APBA2: variants seen among roughly 807,000 people sequenced by gnomAD.
APBA2 encodes the protein amyloid-beta A4 precursor protein-binding family A member 2.
In APBA2, 30 loss-of-function variants were observed where a neutral mutation model predicts 75.0. The observed-to-expected ratio is 0.40, with a 90% CI of 0.30 to 0.54. The LOEUF (loss-of-function observed/expected upper bound fraction) is 0.54, where lower values mean the gene tolerates loss of function less well. Ranked by LOEUF, APBA2 falls within the 20% of genes least tolerant of loss-of-function variation. APBA2 has a pLI of 0.49. For synonymous variants in APBA2, 444 were observed against 409.6 expected (o/e 1.08, Z -1.01); for missense variants, 801 against 1,016.1 (o/e 0.79, Z 2.88).
At chr15:29,017,069 C>T (rs2039699167) in intron 3 of APBA2, among the ~76,000 whole-genome samples, 1 of 151,954 alleles carries the variant, frequency 6.6e-6, no homozygotes, top group Admixed American at 6.6e-5. Context: ...TCCCGGGTAC[C>T]CCTGATTCGG....
At chr15:28,960,640 G>C (rs2036418459) in intron 2 of APBA2, among the ~76,000 whole-genome samples, 2 of 152,058 alleles carry the variant, frequency 1.3e-5, no homozygotes, top group Non-Finnish European at 2.9e-5. Flanking sequence ...GTATGGGAAG[G>C]GTTTGTGGAA....
chr15:29,093,053 C>A (rs911560580), intron 6 of APBA2, 22 bp from the exon 7 acceptor site: 2 of 1,614,124 alleles, frequency 1.2e-6, no homozygotes, highest in Non-Finnish European at 1.7e-6. Flanking sequence ...TAGGAAGACT[C>A]TGACTCTGTG....
intron 6 of APBA2, among the ~76,000 whole-genome samples, chr15:29,090,729 G>T (rs2043520426): frequency 6.6e-6 from 1 of 152,206 alleles, no homozygotes. Flanking sequence ...GAGAGCCACT[G>T]CATTGGGCCC....
intron 3 of APBA2, among the ~76,000 whole-genome samples, chr15:29,020,218 T>C (rs7172998): frequency 0.36 from 55,053 of 151,826 alleles, 16,268 homozygotes; most frequent in African/African-American, 0.79. Context: ...ACATCCTGGA[T>C]GCTCATTCTT....
chr15:28,910,288 G>A (rs2033368707), intron 1 of APBA2, among the ~76,000 whole-genome samples: 1 of 152,168 alleles, frequency 6.6e-6, no homozygotes, highest in African/African-American at 2.4e-5. Context: ...GCAAAGCAGG[G>A]TTGGAGGTTT....
intron 2 of APBA2, among the ~76,000 whole-genome samples, chr15:28,989,698 G>C (rs2038117666): frequency 6.6e-6 from 1 of 152,196 alleles, no homozygotes; most frequent in Non-Finnish European, 1.5e-5. Context: ...ATTTGCTTAG[G>C]AGAGAACAAT....
rs146194343 is a variant in APBA2 at position 29,056,011 on chromosome 15, G to A, written c.951+1176G>A. 4.5e-4 allele frequency among the ~76,000 whole-genome samples: 68 copies of A among 152,256 alleles called. No individual in the cohort carries two copies. In the East Asian group the frequency reaches 6.6e-3, roughly 15 times the overall value. On this transcript the variant is annotated intron_variant, in intron 4 of 14. Coordinates refer to ENST00000683413, the MANE Select transcript of APBA2 (RefSeq NM_001353788.2). ...TTAGGCCAAAGCAAAGTGTTTCTTT[G>A]GTCTTTAGCAGGGCCTGGGCTTGTC...
At chr15:28,891,797 A>G (rs1393801705) in intron 1 of APBA2, among the ~76,000 whole-genome samples, 1 of 152,186 alleles carries the variant, frequency 6.6e-6, no homozygotes, top group Non-Finnish European at 1.5e-5. Flanking sequence ...ATATGTGTAC[A>G]GTCATGCGTC....
chr15:29,023,687 C>A (rs917820917), intron 3 of APBA2, among the ~76,000 whole-genome samples: 1 of 149,484 alleles, frequency 6.7e-6, no homozygotes, highest in Admixed American at 6.6e-5. Flanking sequence ...AACTCCTGAC[C>A]TCAAGTGATC....
At chr15:28,986,037 C>T (rs1053156626) in intron 2 of APBA2, among the ~76,000 whole-genome samples, 1 of 152,130 alleles carries the variant, frequency 6.6e-6, no homozygotes, top group Non-Finnish European at 1.5e-5. Flanking sequence ...CTTGTTTGGC[C>T]TAAAAAAGTC....
chr15:29,082,108 C>T (rs1247789600), intron 6 of APBA2, among the ~76,000 whole-genome samples: 1 of 152,214 alleles, frequency 6.6e-6, no homozygotes, highest in Non-Finnish European at 1.5e-5. Context: ...GTTGATTTCA[C>T]GTGTCTTTCA....
rs1310111973 is a variant in APBA2 at position 29,000,542 on chromosome 15, C to T, written c.-41+4736C>T. 2.0e-5 allele frequency among the ~76,000 whole-genome samples: 3 copies of T among 152,260 alleles called. No individual in the cohort carries two copies. In the East Asian group the frequency reaches 5.8e-4, roughly 29 times the overall value. Reference sequence around the variant, plus strand: ...CCTCCACCTTGGCTGACTACCTGGCCTCACCCTTGTACAGGTGCTTCTGTT... The same window carrying T: ...CCTCCACCTTGGCTGACTACCTGGCTTCACCCTTGTACAGGTGCTTCTGTT... On this transcript the variant is annotated intron_variant, in intron 3 of 14. Coordinates refer to ENST00000683413, the MANE Select transcript of APBA2 (RefSeq NM_001353788.2).
Position 29,054,931 on chromosome 15 carries a change from G to A in APBA2, c.951+96G>A. Reference sequence around the variant, plus strand: ...TGCAGATGCTGAAGCGAGGCGGTGGGGGGTGCTGGGTGCCTCACAGTTCTA... The same window carrying A: ...TGCAGATGCTGAAGCGAGGCGGTGGAGGGTGCTGGGTGCCTCACAGTTCTA... On this transcript the variant is annotated intron_variant, in intron 4 of 14. Transcript: ENST00000683413. This position sits in a 1 kb window ranked among gnomAD's most constrained non-coding sequence, Gnocchi z 6.1. The A allele has an allele frequency of 1.6e-6, 2 of 1,238,732 alleles. No individual in the cohort carries two copies. Among genetic ancestry groups the A allele is most frequent in the Non-Finnish European group, 2.3e-6 (2 of 878,304 alleles). 76.7% of individuals were successfully genotyped at this position (1,238,732 alleles called of 1,614,324 possible).
At chr15:28,959,988 A>T (rs914683114) in intron 2 of APBA2, among the ~76,000 whole-genome samples, 1 of 152,132 alleles carries the variant, frequency 6.6e-6, no homozygotes, top group African/African-American at 2.4e-5. Context: ...TACTAAAAAT[A>T]CAAACAATTA....
intron 3 of APBA2, among the ~76,000 whole-genome samples, chr15:29,036,926 A>G (rs886896726): frequency 1.3e-5 from 2 of 152,032 alleles, no homozygotes; most frequent in Non-Finnish European, 2.9e-5. Flanking sequence ...AGGCTAAGGT[A>G]GGAGGATTGC....
chr15:28,909,609 A>T (rs1242465586), intron 1 of APBA2, among the ~76,000 whole-genome samples: 3 of 152,208 alleles, frequency 2.0e-5, no homozygotes, highest in Non-Finnish European at 4.4e-5. Context: ...GACAGGCCAA[A>T]GCTACCTACT....
chr15:28,928,993 C>T (rs192409711), intron 2 of APBA2, among the ~76,000 whole-genome samples: 2 of 152,188 alleles, frequency 1.3e-5, no homozygotes, highest in East Asian at 1.9e-4. Context: ...TTCAGGGGGG[C>T]GGGTTGCAAA....
chr15:29,066,472 GTGATTCTACTTCT>G (rs1473058301), intron 4 of APBA2, among the ~76,000 whole-genome samples: 3 of 152,194 alleles, frequency 2.0e-5, no homozygotes, highest in Non-Finnish European at 4.4e-5. Context: ...CAAGTACTGT[GTGATTCTACTTCT>G]GAGGCACCCA....
intron 2 of APBA2, among the ~76,000 whole-genome samples, chr15:28,927,918 C>T (rs150439820): frequency 0.05 from 7,547 of 151,040 alleles, 637 homozygotes; most frequent in African/African-American, 0.17. Context: ...CCGAGGCGGG[C>T]GGATCACCTG....
Sources: allele counts gnomAD v4.1 joint callset (sites outside exome capture counted in the v4.1 genomes callset), GRCh38; gene constraint gnomAD v4.1.1; non-coding constraint Gnocchi (gnomAD v3.1); transcripts MANE v1.5; gene names NCBI Gene and HGNC (gene_info 2026-07-23, HGNC 2026-07-21).